VAV2: variants seen among roughly 807,000 people sequenced by gnomAD.
VAV2 encodes vav guanine nucleotide exchange factor 2.
Under a neutral mutation model 132.5 loss-of-function variants are expected in VAV2, and 67 were observed. That is an observed-to-expected ratio of 0.51 (90% CI 0.42 to 0.62). VAV2 has a LOEUF of 0.62. Ranked by LOEUF, VAV2 falls within the 20% of genes least tolerant of loss-of-function variation. The pLI, the probability that VAV2 is intolerant of heterozygous loss-of-function variation, is 0.00. For missense variants in VAV2, 938 were observed against 1,153.6 expected, an observed-to-expected ratio of 0.81 and a Z score of 2.71; for synonymous variants, 492 against 443.5, an observed-to-expected ratio of 1.11 and a Z score of -1.37.
intron 2 of VAV2, among the ~76,000 whole-genome samples, chr9:133,907,226 C>T (rs116223717): frequency 0.06 from 9,129 of 152,228 alleles, 814 homozygotes; most frequent in African/African-American, 0.2. Flanking sequence ...AATTCATCCT[C>T]GCTCCCTACA....
chr9:133,868,183 G>A (rs1355704029), intron 2 of VAV2, among the ~76,000 whole-genome samples: 2 of 152,226 alleles, frequency 1.3e-5, no homozygotes, highest in Admixed American at 6.5e-5. Context: ...CTGAAGTAAC[G>A]GTTGGGTCCT....
intron 7 of VAV2, 54 bp downstream of exon 7, chr9:133,808,986 T>C (rs904789398): frequency 3.3e-6 from 5 of 1,526,384 alleles, no homozygotes; most frequent in Non-Finnish European, 4.5e-6. Flanking sequence ...TAGGTGGCCC[T>C]GCAGTGACCA....
In VAV2 at chr9:133,824,653, C is replaced by A. The variant is rs528548203; in HGVS notation, c.449+9619G>T. On this transcript the variant is annotated intron_variant, in intron 4 of 29. Coordinates refer to ENST00000371850, the MANE Select transcript of VAV2 (RefSeq NM_001134398.2). The surrounding 1 kb of genome is among the most constrained non-coding windows in gnomAD (Gnocchi z 5.2). The stretch of plus-strand genomic sequence containing the variant: ...GCACATGTGGGAGGTAGAGGAACCT[C>A]GAGTGAGAAGTGCAGGGGCCCACAA... 6.6e-6 allele frequency among the ~76,000 whole-genome samples: 1 copy of A among 152,060 alleles called. No homozygotes were observed. Among genetic ancestry groups the A allele is most frequent in the Non-Finnish European group, 1.5e-5 (1 of 67,998 alleles).
intron 1 of VAV2, among the ~76,000 whole-genome samples, chr9:133,987,439 A>C (rs1407472689): frequency 6.6e-6 from 1 of 152,236 alleles, no homozygotes; most frequent in Admixed American, 6.5e-5. Flanking sequence ...GAAGGAGAGA[A>C]GGTCTTCCAG....
At chr9:133,796,748 C>CA (rs1217236801) in intron 10 of VAV2, among the ~76,000 whole-genome samples, 1 of 152,192 alleles carries the variant, frequency 6.6e-6, no homozygotes. Context: ...GCACTGGCCA[C>CA]ACTGGGACGC....
At chr9:133,782,097 CGG>C (rs1834029619) in intron 19 of VAV2, among the ~76,000 whole-genome samples, 1 of 137,226 alleles carries the variant, frequency 7.3e-6, no homozygotes, top group African/African-American at 2.7e-5. Flanking sequence ...ATTAATAATC[CGG>C]CGGGGGCGGG....
At chr9:133,853,958 G>C (rs1211219929) in intron 3 of VAV2, among the ~76,000 whole-genome samples, 1 of 152,126 alleles carries the variant, frequency 6.6e-6, no homozygotes, top group Non-Finnish European at 1.5e-5. Flanking sequence ...CAAGATCCAG[G>C]CCTGCCGGGA....
intron 1 of VAV2, among the ~76,000 whole-genome samples, chr9:133,971,728 G>C (rs1842340317): frequency 6.6e-6 from 1 of 152,180 alleles, no homozygotes; most frequent in Non-Finnish European, 1.5e-5. Context: ...GGCTGAGCCA[G>C]TCACGGGTCC....
At chr9:133,853,445 C>A (rs116051254) in intron 3 of VAV2, among the ~76,000 whole-genome samples, 38 of 152,240 alleles carry the variant, frequency 2.5e-4, no homozygotes, top group African/African-American at 8.2e-4. Context: ...CCTGCCCCAG[C>A]GGCCTCTGCT....
At chr9:133,832,463 A>G (rs1210196368) in intron 4 of VAV2, among the ~76,000 whole-genome samples, 1 of 152,118 alleles carries the variant, frequency 6.6e-6, no homozygotes, top group African/African-American at 2.4e-5. Flanking sequence ...GCCCTCTCTG[A>G]GCCTCAGTTT....
intron 19 of VAV2, among the ~76,000 whole-genome samples, chr9:133,782,474 A>G (rs577713584): frequency 9.8e-4 from 150 of 152,298 alleles, no homozygotes; most frequent in African/African-American, 3.4e-3. Context: ...TGATGGGGAC[A>G]AGGGGGTCTG....
intron 1 of VAV2, among the ~76,000 whole-genome samples, chr9:133,941,291 C>A (rs1841145960): frequency 6.6e-6 from 1 of 151,948 alleles, no homozygotes; most frequent in South Asian, 2.1e-4. Context: ...ACCTGTAGTC[C>A]CAGCTACTCG....
intron 4 of VAV2, among the ~76,000 whole-genome samples, chr9:133,832,550 T>C (rs1194107635): frequency 6.6e-6 from 1 of 151,108 alleles, no homozygotes; most frequent in African/African-American, 2.5e-5. Context: ...GAGCTGTTTT[T>C]GGAATTTTCT....
At chr9:133,964,013 T>A (rs1588181720) in intron 1 of VAV2, among the ~76,000 whole-genome samples, 1 of 114,256 alleles carries the variant, frequency 8.8e-6, no homozygotes, top group East Asian at 2.5e-4. Context: ...TTAAAAAAAA[T>A]TATTCATTCA....
rs1001310395 is a variant in VAV2, at chr9:133,863,690, T to C, written c.322-2258A>G. On this transcript the variant is annotated intron_variant, in intron 2 of 29. Coordinates refer to ENST00000371850, the MANE Select transcript of VAV2 (RefSeq NM_001134398.2). The surrounding 1 kb of genome is among the most constrained non-coding windows in gnomAD (Gnocchi z 5.0). Reference sequence around the variant, plus strand: ...CTTCCATGGGTTCAGCATGGCCAGCTATGCTGGAGGAGCCCTGGCCCTCCA... The same window carrying C: ...CTTCCATGGGTTCAGCATGGCCAGCCATGCTGGAGGAGCCCTGGCCCTCCA... 6.6e-6 allele frequency among the ~76,000 whole-genome samples: 1 copy of C among 152,148 alleles called. No individual in the cohort carries two copies.
At chr9:133,914,699 AGGG>A in intron 2 of VAV2, among the ~76,000 whole-genome samples, 1 of 23,656 alleles carries the variant, frequency 4.2e-5, no homozygotes, top group South Asian at 5.0e-3. Context: ...GGGAAGCGGG[AGGG>A]GAAGGAGAGG....
chr9:133,813,006 T>A (rs930756434), intron 4 of VAV2, among the ~76,000 whole-genome samples: 3 of 152,194 alleles, frequency 2.0e-5, no homozygotes, highest in African/African-American at 4.8e-5. Context: ...CTCCCCACAC[T>A]GGGCTTCCTC....
rs911553861 is a variant in VAV2 at position 133,762,749 on chromosome 9, C to G, written c.*1313G>C. 6.6e-6 allele frequency: 1 copy of G among 152,646 alleles called. No individual in the cohort carries two copies. The highest frequency in any genetic ancestry group is 2.1e-4 in the South Asian group (1 of 4,842). The allele number at this position is 152,646 out of a possible 1,614,324, so 9.5% of individuals were successfully genotyped here. A position where few individuals can be genotyped will look rare whatever the true frequency, so the allele number is the denominator to read the frequency against. ...GCCACAAGGCCAACCTCAGAAGGAG[C>G]CCCTAGGTCCCCAGCGCCACCCACA... On this transcript the variant is annotated 3_prime_UTR_variant, in exon 30 of 30. Transcript: ENST00000371850. The surrounding 1 kb of genome is among the most constrained non-coding windows in gnomAD (Gnocchi z 5.0).
chr9:133,910,447 C>G (rs564670927), intron 2 of VAV2, among the ~76,000 whole-genome samples: 1 of 152,168 alleles, frequency 6.6e-6, no homozygotes, highest in East Asian at 1.9e-4. Flanking sequence ...GTAACCGGCA[C>G]CAAGCCCATT....
Sources: allele counts gnomAD v4.1 joint callset (sites outside exome capture counted in the v4.1 genomes callset), GRCh38; gene constraint gnomAD v4.1.1; non-coding constraint Gnocchi (gnomAD v3.1); transcripts MANE v1.5; gene names NCBI Gene and HGNC (gene_info 2026-07-23, HGNC 2026-07-21).